FER: variants seen among roughly 807,000 people sequenced by gnomAD.
FER encodes FER tyrosine kinase.
Under a neutral mutation model 111.0 loss-of-function variants are expected in FER, and 63 were observed. The ratio of observed to expected loss-of-function variants is 0.57; its 90% CI spans 0.46 to 0.70. The LOEUF is 0.70. Ranked by LOEUF, FER falls within the 30% of genes least tolerant of loss-of-function variation. The pLI is 0.00. For missense variants in FER, 914 were observed against 954.0 expected, an observed-to-expected ratio of 0.96 and a Z score of 0.55; for synonymous variants, 327 against 313.9, an observed-to-expected ratio of 1.04 and a Z score of -0.44.
chr5:109,004,911 G>GT lies in FER; in HGVS notation c.1657-32503dup, dbSNP rs199818942. ...TACCAAATGGTTCAAATGAAGAGTT[G>GT]TTTTTTTTATGTTTGTTTTGTTTTG... On this transcript the variant is annotated intron_variant, in intron 13 of 19. Coordinates refer to ENST00000281092, the MANE Select transcript of FER (RefSeq NM_005246.4). 1.4e-4 allele frequency among the ~76,000 whole-genome samples: 20 copies of GT among 138,112 alleles called. 1 individual carries two copies. In the South Asian group the frequency reaches 2.1e-3, roughly 14 times the overall value. 90.6% of individuals were successfully genotyped at this position (138,112 alleles called of 152,430 possible).
At chr5:108,920,030 G>C (rs1056732387) in intron 10 of FER, among the ~76,000 whole-genome samples, 1 of 151,116 alleles carries the variant, frequency 6.6e-6, no homozygotes, top group Non-Finnish European at 1.5e-5. Context: ...AAGAAGTAGA[G>C]TTTTTAGTAT....
intron 3 of FER, among the ~76,000 whole-genome samples, chr5:108,810,440 T>G (rs1484279353): frequency 6.6e-6 from 1 of 152,220 alleles, no homozygotes; most frequent in Non-Finnish European, 1.5e-5. Context: ...TGGGCAGGCC[T>G]GCCTACCTGT....
At chr5:108,904,553 C>T (rs765837058) in intron 10 of FER, among the ~76,000 whole-genome samples, 35 of 152,108 alleles carry the variant, frequency 2.3e-4, no homozygotes, top group Non-Finnish European at 3.8e-4. Context: ...TACAGACCCA[C>T]GTAGGACTTC....
intron 5 of FER, among the ~76,000 whole-genome samples, chr5:108,839,488 A>G (rs1419538097): frequency 6.6e-6 from 1 of 151,930 alleles, no homozygotes; most frequent in Non-Finnish European, 1.5e-5. Flanking sequence ...TAAATATCCA[A>G]TGGGTTTTTA....
intron 10 of FER, among the ~76,000 whole-genome samples, chr5:108,911,903 G>A (rs1414251086): frequency 3.3e-5 from 5 of 152,096 alleles, no homozygotes; most frequent in African/African-American, 9.7e-5. Context: ...ATCTTGAATT[G>A]TAGCTCCCAC....
rs76004122 is a variant in FER, at chr5:108,952,189, A to G, written c.1330-2540A>G. Among the ~76,000 whole-genome samples, 901 of 152,268 alleles carry G rather than the reference A, an allele frequency of 5.9e-3. 5 individuals are homozygous for G. Among genetic ancestry groups the G allele is most frequent in the African/African-American group, 0.021 (864 of 41,560 alleles). ...CCCATATCTTTGGCAAAAATCTCAG[A>G]TAACTTACCAACAAAGAAAAACCCT... On this transcript the variant is annotated intron_variant, in intron 11 of 19. Coordinates refer to ENST00000281092, the MANE Select transcript of FER (RefSeq NM_005246.4).
intron 17 of FER, among the ~76,000 whole-genome samples, chr5:109,171,708 T>C (rs1757108496): frequency 6.6e-6 from 1 of 152,154 alleles, no homozygotes; most frequent in African/African-American, 2.4e-5. Context: ...GTTTTTTAAA[T>C]CTCTCTTCCA....
At chr5:109,167,495 TG>T (rs1206332903) in intron 17 of FER, among the ~76,000 whole-genome samples, 1 of 152,178 alleles carries the variant, frequency 6.6e-6, no homozygotes, top group Non-Finnish European at 1.5e-5. Flanking sequence ...ACACCATCAT[TG>T]TCAAATATGT....
intron 13 of FER, among the ~76,000 whole-genome samples, chr5:108,992,112 AC>A (rs1481307106): frequency 6.6e-6 from 1 of 152,104 alleles, no homozygotes; most frequent in East Asian, 1.9e-4. Flanking sequence ...CATCTGTTTA[AC>A]AAAGCACATC....
intron 13 of FER, among the ~76,000 whole-genome samples, chr5:108,964,840 A>G (rs1174643394): frequency 6.6e-6 from 1 of 152,138 alleles, no homozygotes; most frequent in Non-Finnish European, 1.5e-5. Context: ...TTTTATTTCT[A>G]AGAACTTTTT....
chr5:109,125,972 C>G (rs867684520), intron 17 of FER, among the ~76,000 whole-genome samples: 5 of 152,042 alleles, frequency 3.3e-5, no homozygotes, highest in Non-Finnish European at 5.9e-5. Context: ...ATGGCTGATT[C>G]ATTTCTTAGT....
chr5:108,859,816 C>T (rs745322282), intron 5 of FER, among the ~76,000 whole-genome samples: 55 of 151,854 alleles, frequency 3.6e-4, no homozygotes, highest in Non-Finnish European at 6.2e-4. Flanking sequence ...TATTTCAGTT[C>T]TCTGAACAGT....
intron 10 of FER, among the ~76,000 whole-genome samples, chr5:108,921,808 T>A (rs533387872): frequency 3.3e-5 from 5 of 152,154 alleles, no homozygotes; most frequent in Non-Finnish European, 5.9e-5. Flanking sequence ...TAGGAATAGA[T>A]GTTTATTTGA....
At chr5:108,749,355 G>T (rs1355011843) in intron 1 of FER, among the ~76,000 whole-genome samples, 3 of 152,034 alleles carry the variant, frequency 2.0e-5, no homozygotes, top group Admixed American at 6.5e-5. Flanking sequence ...GGGCTGTGGC[G>T]GGCGTAGTGG....
chr5:109,029,887 G>C (rs1769349987), intron 13 of FER, among the ~76,000 whole-genome samples: 1 of 152,088 alleles, frequency 6.6e-6, no homozygotes. Context: ...AGAAGTTTCA[G>C]TCATTATTTC....
intron 16 of FER, among the ~76,000 whole-genome samples, chr5:109,083,900 TCC>T: frequency 1.3e-5 from 2 of 152,120 alleles, no homozygotes; most frequent in South Asian, 4.2e-4. Context: ...AATAATAAAG[TCC>T]TTTGTCTCTG....
intron 16 of FER, among the ~76,000 whole-genome samples, chr5:109,082,736 T>G (rs1181034826): frequency 6.6e-6 from 1 of 152,030 alleles, no homozygotes; most frequent in African/African-American, 2.4e-5. Flanking sequence ...ACTGTACTAT[T>G]AGAATGTCAA....
At chr5:109,180,668 C>G in intron 17 of FER, 79 bp from the exon 18 acceptor site, 1 of 1,451,802 alleles carries the variant, frequency 6.9e-7, no homozygotes, top group Non-Finnish European at 9.3e-7. Flanking sequence ...TGTAAAAATG[C>G]AAAGTGTGGA....
At chr5:108,848,763 A>G (rs1437559582) in intron 5 of FER, among the ~76,000 whole-genome samples, 1 of 152,004 alleles carries the variant, frequency 6.6e-6, no homozygotes. Context: ...CTTTTCCAGC[A>G]TTCTTTATTT....
Sources: allele counts gnomAD v4.1 joint callset (sites outside exome capture counted in the v4.1 genomes callset), GRCh38; gene constraint gnomAD v4.1.1; transcripts MANE v1.5; gene names NCBI Gene and HGNC (gene_info 2026-07-23, HGNC 2026-07-21).